GOLGA2: variants seen among roughly 807,000 people sequenced by gnomAD.
GOLGA2 encodes the protein golgin A2.
In GOLGA2, 49 loss-of-function variants were observed where a neutral mutation model predicts 148.8. The ratio of observed to expected loss-of-function variants is 0.33; its 90% CI spans 0.26 to 0.42. GOLGA2 has a LOEUF of 0.42. GOLGA2 is among the 10% of genes least tolerant of loss of function. The pLI, the probability that GOLGA2 is intolerant of heterozygous loss-of-function variation, is 1.00. For synonymous variants in GOLGA2, 501 were observed against 511.8 expected, an observed-to-expected ratio of 0.98 and a Z score of 0.28; for missense variants, 1,178 against 1,304.6, an observed-to-expected ratio of 0.90 and a Z score of 1.49.
Position 128,262,596 on chromosome 9 carries a change from C to G in GOLGA2, c.1101G>C (p.Lys367Asn). The G allele has an allele frequency of 6.2e-7, 1 of 1,614,162 alleles. No homozygotes were observed. The highest frequency in any genetic ancestry group is 8.5e-7 in the Non-Finnish European group (1 of 1,180,002). Residue 367 changes from lysine (K) to asparagine (N), a missense_variant, in exon 14 of 27, where the codon AAG becomes AAC. Around this residue, in one of 5 missense-constraint regions of GOLGA2, gnomAD observed 304 missense variants for 404.1 expected, o/e 0.75. Coordinates refer to ENST00000611957, the MANE Select transcript of GOLGA2 (RefSeq NM_001366244.2). ...GMQLNLEELQ[K>N]KLEMTELLLQ... is the part of the protein sequence containing the mutation. ...GCAGGAGTTCCGTCATCTCTAACTT[C>G]TTTTGCAATTCTTCCAAGTTAAGCT...
At chr9:128,263,291 T>C (rs1342323617) in intron 12 of GOLGA2, among the ~76,000 whole-genome samples, 199 bp from the exon 13 acceptor site, 1 of 152,200 alleles carries the variant, frequency 6.6e-6, no homozygotes, top group African/African-American at 2.4e-5. Flanking sequence ...TCTCCCTCTG[T>C]CACCCAGGCT....
In GOLGA2 at chr9:128,259,057, T is replaced by G. The variant is rs1466046625; in HGVS notation, c.2123A>C (p.Gln708Pro). The G allele has an allele frequency of 6.2e-7, 1 of 1,611,770 alleles. No individual in the cohort carries two copies. Among genetic ancestry groups the G allele is most frequent in the East Asian group, 2.2e-5 (1 of 44,898 alleles). ...TQERLEAATQ[Q>P]NQQLRAQLSL... ...CAACTGGGCCCGTAGCTGCTGATTCTGCTGGGTGGCAGCTTCCAGGCGCTC... is the reference window on the plus strand; with the variant it reads ...CAACTGGGCCCGTAGCTGCTGATTCGGCTGGGTGGCAGCTTCCAGGCGCTC... The change falls in exon 21 of 27, where the codon CAG becomes CCG. Residue 708 changes from glutamine to proline, a missense_variant. By Grantham distance (76) the Gln-to-Pro change is moderately conservative (BLOSUM62 -1). This residue lies in a region of GOLGA2 where 529 missense variants were observed against 521.8 expected (regional missense o/e 1.01). Coordinates refer to ENST00000611957, the MANE Select transcript of GOLGA2 (RefSeq NM_001366244.2).
Position 128,266,489 on chromosome 9 carries a change from GGGATTTGT to G in GOLGA2, c.643-172_643-165del. ...ACTCTCCTCAGGCTCTCAAGGAAAG[GGGATTTGT>G]GTCTTTGTTGGTTTTTGCCCACAGC... On this transcript the variant is annotated intron_variant, in intron 8 of 26. Transcript: ENST00000611957. This position sits in a 1 kb window ranked among gnomAD's most constrained non-coding sequence, Gnocchi z 4.2. 1 of 634,418 alleles carries G rather than the reference GGGATTTGT, an allele frequency of 1.6e-6. No individual in the cohort carries two copies. The highest frequency in any genetic ancestry group is 2.8e-6 in the Non-Finnish European group (1 of 360,132). The allele number at this position is 634,418 out of a possible 1,614,324, so 39.3% of individuals were successfully genotyped here.
intron 1 of GOLGA2, chr9:128,275,482 T>C: frequency 7.7e-7 from 1 of 1,301,898 alleles, no homozygotes; most frequent in Non-Finnish European, 9.8e-7. Flanking sequence ...GAGGTCCGGT[T>C]TGGGGCGGCA....
At chr9:128,262,842 A>G (rs1264268177) in intron 13 of GOLGA2, 138 bp from the exon 14 acceptor site, 3 of 873,690 alleles carry the variant, frequency 3.4e-6, no homozygotes, top group East Asian at 2.4e-5. Context: ...TCACATGTAC[A>G]GGCCAGAGAA....
At position 128,257,916 on chromosome 9, in the gene GOLGA2, T is replaced by C; in HGVS notation, c.2509-24A>G. On this transcript the variant is annotated intron_variant, in intron 23 of 26. Transcript: ENST00000611957. The surrounding 1 kb of genome is among the most constrained non-coding windows in gnomAD (Gnocchi z 8.0). ...CTCTGGAACCAAAATAATGGAGTCA[T>C]ATATCGGCAGCGACCTGCCCCGCCC... 1.9e-6 allele frequency: 3 copies of C among 1,611,826 alleles called. No homozygotes were observed. The highest frequency in any genetic ancestry group is 2.5e-6 in the Non-Finnish European group (3 of 1,177,922).
At chr9:128,259,616 G>A (rs143443928) in intron 19 of GOLGA2, among the ~76,000 whole-genome samples, 129 of 152,318 alleles carry the variant, frequency 8.5e-4, no homozygotes, top group African/African-American at 2.9e-3. Flanking sequence ...TGGTGGAAAC[G>A]CAGAGGGAGC....
At chr9:128,268,622 GCAGT>G in intron 3 of GOLGA2, 98 bp from the exon 4 acceptor site, 1 of 682,314 alleles carries the variant, frequency 1.5e-6, no homozygotes, top group East Asian at 2.7e-5. Flanking sequence ...AGGTGTTGCT[GCAGT>G]CAGAGTGACA....
intron 1 of GOLGA2, among the ~76,000 whole-genome samples, chr9:128,274,747 T>C (rs1484300594): frequency 6.6e-6 from 1 of 152,220 alleles, no homozygotes; most frequent in African/African-American, 2.4e-5. Flanking sequence ...GGTATACTCT[T>C]AGAAATTTAT....
intron 19 of GOLGA2, among the ~76,000 whole-genome samples, chr9:128,259,671 G>A (rs1370655352): frequency 1.3e-5 from 2 of 152,216 alleles, no homozygotes; most frequent in African/African-American, 2.4e-5. Context: ...TGCTTTCCAC[G>A]TATTATCTCA....
At chr9:128,267,611 C>G (rs749058250) in intron 6 of GOLGA2, 94 bp from the exon 7 acceptor site, 6 of 938,666 alleles carry the variant, frequency 6.4e-6, no homozygotes, top group Non-Finnish European at 1.0e-5. Context: ...GCAACATTTT[C>G]TTTTCTAACT....
At chr9:128,263,973 G>A (rs887311848) in intron 12 of GOLGA2, among the ~76,000 whole-genome samples, 12 of 148,914 alleles carry the variant, frequency 8.1e-5, no homozygotes, top group East Asian at 2.1e-4. Flanking sequence ...TGGCTAACAC[G>A]GTGAAACCCC....
At chr9:128,265,205 A>C (rs1830518176) in intron 12 of GOLGA2, among the ~76,000 whole-genome samples, 1 of 152,260 alleles carries the variant, frequency 6.6e-6, no homozygotes, top group Non-Finnish European at 1.5e-5. Flanking sequence ...TTGTCATAGT[A>C]CATAGGTACA....
Position 128,267,328 on chromosome 9 carries a change from G to C in GOLGA2, c.562-54C>G, listed in dbSNP as rs1009386567. On this transcript the variant is annotated intron_variant, in intron 7 of 26. Transcript: ENST00000611957. ...GAGGAGGATTGGGGGGAGAGGTAGA[G>C]AGAGCAATCATTAGGGTTGGGGGGT... The C allele has an allele frequency of 4.9e-6, 7 of 1,422,154 alleles. No individual in the cohort carries two copies. In the South Asian group the frequency reaches 8.0e-5, roughly 16 times the overall value. 88.1% of individuals were successfully genotyped at this position (1,422,154 alleles called of 1,614,324 possible).
chr9:128,258,494 C>T lies in GOLGA2; in HGVS notation c.2250G>A (p.Met750Ile). 1 of 1,611,470 alleles carries T rather than the reference C, an allele frequency of 6.2e-7. No homozygotes were observed. Among genetic ancestry groups the T allele is most frequent in the Non-Finnish European group, 8.5e-7 (1 of 1,179,218 alleles). ...TCTCCAGGTCCTCCGGGATGCTTGG[C>T]ATGGGCTGAGGTACTGCCACCGCCT... ...EEEAVAVPQP[M>I]PSIPEDLESR... Residue 750 changes from methionine to isoleucine, a missense_variant, in exon 22 of 27, where the codon ATG becomes ATA. Met to Ile is a conservative substitution (Grantham distance 10, BLOSUM62 1). Transcript: ENST00000611957. The surrounding 1 kb of genome is among the most constrained non-coding windows in gnomAD (Gnocchi z 6.6).
chr9:128,257,044 G>T lies in GOLGA2; in HGVS notation c.*23C>A. ...AGGGTATCCAGCCCCACTTCTTCAG[G>T]CTTTGCTGACAGTAGCCGGCTTTTA... On this transcript the variant is annotated 3_prime_UTR_variant, in exon 27 of 27. Coordinates refer to ENST00000611957, the MANE Select transcript of GOLGA2 (RefSeq NM_001366244.2). This position sits in a 1 kb window ranked among gnomAD's most constrained non-coding sequence, Gnocchi z 8.0. 1 of 1,575,050 alleles carries T rather than the reference G, an allele frequency of 6.3e-7. No individual in the cohort carries two copies. The highest frequency in any genetic ancestry group is 8.7e-7 in the Non-Finnish European group (1 of 1,147,990).
rs780314728 is a variant in GOLGA2, at chr9:128,260,773, C to G, written c.1450G>C (p.Gly484Arg). The G allele has an allele frequency of 6.2e-7, 1 of 1,610,604 alleles. No homozygotes were observed. The highest frequency in any genetic ancestry group is 2.2e-5 in the East Asian group (1 of 44,836). The change falls in exon 18 of 27, where the codon GGG (glycine) becomes CGG (arginine). Residue 484 changes from glycine (G) to arginine (R), a missense_variant. Gly to Arg is a moderately radical substitution (Grantham distance 125, BLOSUM62 -2). Around this residue, in one of 5 missense-constraint regions of GOLGA2, gnomAD observed 529 missense variants for 521.8 expected, o/e 1.01. Transcript: ENST00000611957. This position sits in a 1 kb window ranked among gnomAD's most constrained non-coding sequence, Gnocchi z 4.8. ...AEPPPPEPPAGPSEVEQQLQA... is the reference protein window; with the variant it reads ...AEPPPPEPPARPSEVEQQLQA... The stretch of plus-strand genomic sequence containing the variant: ...AGCTGCTGCTCCACCTCGGAGGGCC[C>G]TGCTGGGGGCTCTGGGGGCGGGGGT...
Position 128,261,032 on chromosome 9 carries a change from G to T in GOLGA2, c.1420+140C>A. 2 of 734,856 alleles carry T rather than the reference G, an allele frequency of 2.7e-6. No homozygotes were observed. Among genetic ancestry groups the T allele is most frequent in the South Asian group, 1.6e-5 (1 of 62,104 alleles). The allele number at this position is 734,856 out of a possible 1,614,324, so 45.5% of individuals were successfully genotyped here. A position where few individuals can be genotyped will look rare whatever the true frequency, so the allele number is the denominator to read the frequency against. On this transcript the variant is annotated intron_variant, in intron 17 of 26. Coordinates refer to ENST00000611957, the MANE Select transcript of GOLGA2 (RefSeq NM_001366244.2). The surrounding 1 kb of genome is among the most constrained non-coding windows in gnomAD (Gnocchi z 5.7). ...GCACTGAGGCTCATGGAGATGACGA[G>T]ACTTGCCATCTCCTGGCACAGACCT... is the stretch of plus-strand genomic sequence containing the variant.
Position 128,261,689 on chromosome 9 carries a change from C to T in GOLGA2, c.1203G>A (p.Gln401=), listed in dbSNP as rs1564364577. 1 of 1,612,040 alleles carries T rather than the reference C, an allele frequency of 6.2e-7. No individual in the cohort carries two copies. ...TCACCTGCCCCAGGTGTGCTTCCAG[C>T]TGTGCCCGCTCCTCCATGGCCTGCT... The part of the protein sequence containing the change: ...QLQQAMEERA[Q]LEAHLGQVME... Residue 401 remains glutamine, a synonymous_variant, in exon 15 of 27, where the codon CAG becomes CAA. Coordinates refer to ENST00000611957, the MANE Select transcript of GOLGA2 (RefSeq NM_001366244.2). This position sits in a 1 kb window ranked among gnomAD's most constrained non-coding sequence, Gnocchi z 5.7.
Sources: gnomAD v4.1 joint callset for allele counts (sites outside exome capture counted in the v4.1 genomes callset) on GRCh38, gnomAD v4.1.1 for gene constraint, gnomAD v4.1.1 regional missense constraint, Gnocchi (gnomAD v3.1) non-coding constraint, MANE v1.5 for transcripts, NCBI Gene and HGNC (gene_info 2026-07-23, HGNC 2026-07-21) for gene names.